IPO4: variants seen among roughly 807,000 people sequenced by gnomAD.
The protein encoded by IPO4 is importin-4.
A neutral mutation model predicts 133.5 loss-of-function variants in IPO4; 91 were observed. That is an observed-to-expected ratio of 0.68 (90% CI 0.58 to 0.81). The LOEUF is 0.81. Ranked by LOEUF, IPO4 falls within the 30% of genes least tolerant of loss-of-function variation. The probability of loss-of-function intolerance (pLI) is 0.00; values close to 1 mark genes in which losing one functional copy is unlikely to be tolerated. For missense variants in IPO4, 1,279 were observed against 1,386.2 expected, an observed-to-expected ratio of 0.92 and a Z score of 1.23; for synonymous variants, 607 against 581.6, an observed-to-expected ratio of 1.04 and a Z score of -0.63.
chr14:24,181,436 A>G (rs1272358585), intron 28 of IPO4, 77 bp downstream of exon 28: 2 of 1,234,040 alleles, frequency 1.6e-6, no homozygotes, highest in African/African-American at 1.5e-5. Context: ...GGAGCTCCCG[A>G]GCCTCATCAG....
chr14:24,183,031 G>T lies in IPO4; in HGVS notation c.2366C>A (p.Pro789His). 1 of 1,613,796 alleles carries T rather than the reference G, an allele frequency of 6.2e-7. No individual in the cohort carries two copies. Among genetic ancestry groups the T allele is most frequent in the South Asian group, 1.1e-5 (1 of 91,078 alleles). Reference sequence around the variant, plus strand: ...ACAGAGCTCAGCGAGGCGCCCAGGGGGCTTCAGTGTGAGGGTCCCACAGCT... The same window carrying T: ...ACAGAGCTCAGCGAGGCGCCCAGGGTGCTTCAGTGTGAGGGTCCCACAGCT... ...LRSCGTLTLK[P>H]PGRLAELCGV... is the part of the protein sequence containing the mutation. The change falls in exon 23 of 30, where the codon CCC (proline) becomes CAC (histidine). Residue 789 changes from proline to histidine, a missense_variant. Around this residue, in one of 3 missense-constraint regions of IPO4, gnomAD observed 575 missense variants for 653.4 expected, o/e 0.88. Coordinates refer to ENST00000354464, the MANE Select transcript of IPO4 (RefSeq NM_024658.4).
At position 24,184,743 on chromosome 14, in the gene IPO4, G is replaced by A; in HGVS notation, c.1543C>T (p.Leu515=). Residue 515 remains leucine, a synonymous_variant, in exon 16 of 30, where the codon CTG becomes TTG. Coordinates refer to ENST00000354464, the MANE Select transcript of IPO4 (RefSeq NM_024658.4). ...ATGATGGCAGGGAAGTAGGGCAGCAGCGAGGCCTGGGCAGCCGTAGCTGCA... is the reference window on the plus strand; with the variant it reads ...ATGATGGCAGGGAAGTAGGGCAGCAACGAGGCCTGGGCAGCCGTAGCTGCA... The part of the protein sequence containing the change: ...GAIATAAQAS[L]LPYFPAIMEH... The A allele has an allele frequency of 6.2e-7, 1 of 1,612,956 alleles. No individual in the cohort carries two copies. The highest frequency in any genetic ancestry group is 8.5e-7 in the Non-Finnish European group (1 of 1,179,502).
At chr14:24,186,019 A>C in intron 11 of IPO4, 49 bp from the exon 12 acceptor site, 1 of 1,600,638 alleles carries the variant, frequency 6.2e-7, no homozygotes, top group Non-Finnish European at 8.6e-7. Context: ...GAGCCTGCCC[A>C]TTCCTGTGGT....
chr14:24,184,224 G>A (rs1432801230), intron 17 of IPO4, 74 bp downstream of exon 17: 7 of 1,555,854 alleles, frequency 4.5e-6, no homozygotes, highest in Non-Finnish European at 6.1e-6. Context: ...GTCTGGGGTG[G>A]GGATTCCAGT....
chr14:24,188,396 G>A lies in IPO4; in HGVS notation c.184C>T (p.Arg62Cys), dbSNP rs2039258580. 1.9e-6 allele frequency: 3 copies of A among 1,612,398 alleles called. No homozygotes were observed. The highest frequency in any genetic ancestry group is 2.5e-6 in the Non-Finnish European group (3 of 1,179,912). ...QIRQFAAVLT[R>C]RRLNTRWRRL... is the part of the protein sequence containing the mutation. ...CGCCAGCGGGTGTTCAGTCGTCTGC[G>A]GGTCAGCACGGCCGCAAACTGGCGG... Residue 62 changes from arginine (R) to cysteine (C), a missense_variant, in exon 3 of 30, where the codon CGC (arginine) becomes TGC (cysteine). Physicochemically the swap from Arg to Cys is radical, Grantham distance 180. Transcript: ENST00000354464.
chr14:24,188,097 C>A (rs760261204), intron 4 of IPO4, 119 bp downstream of exon 4: 11 of 1,101,162 alleles, frequency 1.0e-5, no homozygotes, highest in Non-Finnish European at 1.5e-5. Flanking sequence ...AAAATCCTCA[C>A]TCCACCTTGC....
chr14:24,188,069 A>AG, intron 4 of IPO4, 147 bp downstream of exon 4: 1 of 877,962 alleles, frequency 1.1e-6, no homozygotes, highest in Non-Finnish European at 1.8e-6. Context: ...CAAGAACTTT[A>AG]GTCTTCAAAA....
At position 24,187,595 on chromosome 14, in the gene IPO4, G is replaced by A. The variant is rs752109998; in HGVS notation, c.409-16C>T. On this transcript the variant is annotated splice_polypyrimidine_tract_variant and intron_variant, in intron 5 of 29. Transcript: ENST00000354464. ...AAAGCCCCATCTGTCCAAGAATAGAGGATGGGAGAGCAAGCTTACAAGGTC... is the reference window on the plus strand; with the variant it reads ...AAAGCCCCATCTGTCCAAGAATAGAAGATGGGAGAGCAAGCTTACAAGGTC... The A allele has an allele frequency of 3.7e-6, 6 of 1,613,960 alleles. No homozygotes were observed. The highest frequency in any genetic ancestry group is 2.7e-5 in the African/African-American group (2 of 74,906).
intron 17 of IPO4, 29 bp downstream of exon 17, chr14:24,184,269 G>A (rs1476960848): frequency 6.3e-7 from 1 of 1,576,756 alleles, no homozygotes; most frequent in Non-Finnish European, 8.6e-7. Flanking sequence ...GAGGGGACAA[G>A]GGCAGAGGCA....
At chr14:24,185,431 G>A (rs2039205332) in intron 13 of IPO4, 28 bp downstream of exon 13, 1 of 1,610,576 alleles carries the variant, frequency 6.2e-7, no homozygotes, top group Middle Eastern at 1.6e-4. Context: ...ACATTCAAGT[G>A]GTGGCTCCCA....
At chr14:24,184,624 G>C in intron 16 of IPO4, 26 bp downstream of exon 16, 1 of 1,532,366 alleles carries the variant, frequency 6.5e-7, no homozygotes, top group South Asian at 1.2e-5. Context: ...GGCACTGGGA[G>C]CCCCACCTGG....
chr14:24,186,611 G>A, intron 9 of IPO4, 97 bp downstream of exon 9: 2 of 1,372,372 alleles, frequency 1.5e-6, no homozygotes, highest in South Asian at 1.2e-5. Flanking sequence ...AACCCCCACA[G>A]TACTTTAGAT....
In IPO4 at chr14:24,181,998, C is replaced by T. The variant is rs367647256; in HGVS notation, c.2764G>A (p.Gly922Arg). 4.3e-6 allele frequency: 7 copies of T among 1,612,808 alleles called. No homozygotes were observed. The highest frequency in any genetic ancestry group is 1.3e-5 in the African/African-American group (1 of 75,064). The change falls in exon 26 of 30, where the codon GGG (glycine) becomes AGG (arginine). Residue 922 changes from glycine (G) to arginine (R), a missense_variant. Transcript: ENST00000354464. ...DPEVRSNAIF[G>R]MGVLAEHGGH... ...CCATGCTCTGCCAGCACGCCCATCCCGAAGATGGCATTGCTTCGCACCTCG... is the reference window on the plus strand; with the variant it reads ...CCATGCTCTGCCAGCACGCCCATCCTGAAGATGGCATTGCTTCGCACCTCG...
In IPO4 at chr14:24,180,267, G is replaced by A; in HGVS notation, c.*175C>T. ...TGCTTTTATTACAGTATGATGTCAT[G>A]ACTCATTTGTAACAGATCCAGCCTC... On this transcript the variant is annotated 3_prime_UTR_variant, in exon 30 of 30. Transcript: ENST00000354464. 6.5e-7 allele frequency: 1 copy of A among 1,541,182 alleles called. No individual in the cohort carries two copies. The highest frequency in any genetic ancestry group is 1.2e-5 in the South Asian group (1 of 84,108).
chr14:24,186,023 C>T, intron 11 of IPO4, 53 bp from the exon 12 acceptor site: 1 of 1,600,700 alleles, frequency 6.2e-7, no homozygotes. Context: ...CTGCCCATTC[C>T]TGTGGTAATA....
chr14:24,185,159 CA>C, intron 14 of IPO4, 23 bp downstream of exon 14: 2 of 1,613,516 alleles, frequency 1.2e-6, no homozygotes, highest in Non-Finnish European at 8.5e-7. Flanking sequence ...CCCCCTTCCC[CA>C]AGCTCCCCAC....
chr14:24,184,856 T>A lies in IPO4; in HGVS notation c.1522+11A>T. 1 of 1,612,676 alleles carries A rather than the reference T, an allele frequency of 6.2e-7. No homozygotes were observed. Among genetic ancestry groups the A allele is most frequent in the African/African-American group, 1.3e-5 (1 of 75,010 alleles). On this transcript the variant is annotated intron_variant, in intron 15 of 29. Transcript: ENST00000354464. ...GAACCCCACATCCCTGCCTCCTGCC[T>A]CTCTCCTCACCAATGGCTCCCAGGG...
Position 24,186,417 on chromosome 14 carries a change from A to G in IPO4, c.875T>C (p.Leu292Pro). Reference protein sequence around the residue: ...LLKNRLLPPLLHTLFPIVAAE... With the variant: ...LLKNRLLPPLPHTLFPIVAAE... Reference sequence around the variant, plus strand: ...AGCCACAATGGGGAAAAGGGTGTGCAGCAAGGGTGGCAGGAGACGATTCTT... The same window carrying G: ...AGCCACAATGGGGAAAAGGGTGTGCGGCAAGGGTGGCAGGAGACGATTCTT... Residue 292 changes from leucine to proline, a missense_variant, in exon 10 of 30, where the codon CTG (leucine) becomes CCG (proline). Leu to Pro is a moderately conservative substitution (Grantham distance 98). This residue lies in a region of IPO4 where 695 missense variants were observed against 704.1 expected (regional missense o/e 0.99). Transcript: ENST00000354464. The G allele has an allele frequency of 6.2e-7, 1 of 1,605,788 alleles. No individual in the cohort carries two copies.
rs746634852 is a variant in IPO4, at chr14:24,188,364, C to T, written c.216G>A (p.Leu72=). The T allele has an allele frequency of 1.2e-6, 2 of 1,613,508 alleles. No homozygotes were observed. The highest frequency in any genetic ancestry group is 1.1e-5 in the South Asian group (1 of 91,068). The change falls in exon 3 of 30, where the codon CTG becomes CTA. Residue 72 remains leucine (L), a synonymous_variant. Coordinates refer to ENST00000354464, the MANE Select transcript of IPO4 (RefSeq NM_024658.4). ...CCCACCTCTCCCGTTGCTCCGCCGC[C>T]AGCCGTCGCCAGCGGGTGTTCAGTC... The part of the protein sequence containing the change: ...RRRLNTRWRR[L]AAEQRESLKS...
Sources: gnomAD v4.1 joint callset for allele counts on GRCh38, gnomAD v4.1.1 for gene constraint, gnomAD v4.1.1 regional missense constraint, MANE v1.5 for transcripts, NCBI Gene and HGNC (gene_info 2026-07-23, HGNC 2026-07-21) for gene names.